Variants in NOS1AP observed in about 807,000 individuals in gnomAD.
NOS1AP encodes carboxyl-terminal PDZ ligand of neuronal nitric oxide synthase protein.
Under a neutral mutation model 56.2 loss-of-function variants are expected in NOS1AP, and 21 were observed. That is an observed-to-expected ratio of 0.37 (90% CI 0.26 to 0.54). The LOEUF (loss-of-function observed/expected upper bound fraction) is 0.54, where lower values mean the gene tolerates loss of function less well. Among genes scored for constraint, NOS1AP ranks in the 20% least tolerant of loss-of-function variants. The pLI, the probability that NOS1AP is intolerant of heterozygous loss-of-function variation, is 0.84. For synonymous variants in NOS1AP, 270 were observed against 274.6 expected (o/e 0.98, Z 0.17); for missense variants, 522 against 657.8 (o/e 0.79, Z 2.26).
chr1:162,275,500 A>G lies in NOS1AP; in HGVS notation c.178-11844A>G, dbSNP rs1027065683. ...CTTTGAATTATTTCTGGCATAAGGT[A>G]TGAGGTTTATTTTCATGTTCATTTT... On this transcript the variant is annotated intron_variant, in intron 2 of 9. Coordinates refer to ENST00000361897, the MANE Select transcript of NOS1AP (RefSeq NM_014697.3). Among the ~76,000 whole-genome samples the G allele has an allele frequency of 2.0e-5, 3 of 152,302 alleles. No homozygotes were observed. The South Asian group carries it at 6.2e-4, about 32-fold the overall frequency.
intron 2 of NOS1AP, among the ~76,000 whole-genome samples, chr1:162,255,389 G>A (rs1653992088): frequency 6.7e-6 from 1 of 150,282 alleles, no homozygotes; most frequent in Admixed American, 6.7e-5. Context: ...CCCAAACAGT[G>A]TTCTCCTCTC....
At chr1:162,287,478 A>G (rs553271220) in intron 3 of NOS1AP, 42 bp downstream of exon 3, 3 of 1,337,278 alleles carry the variant, frequency 2.2e-6, no homozygotes, top group African/African-American at 1.4e-5. Context: ...AGAGGAAAGC[A>G]GGGGAGGTAG....
chr1:162,272,243 C>T (rs1464961842), intron 2 of NOS1AP, among the ~76,000 whole-genome samples: 2 of 152,176 alleles, frequency 1.3e-5, no homozygotes, highest in Admixed American at 1.3e-4. Flanking sequence ...TTCCCACCTC[C>T]TTGAAGCTGG....
At chr1:162,356,887 A>C in intron 7 of NOS1AP, 73 bp from the exon 8 acceptor site, 1 of 1,610,804 alleles carries the variant, frequency 6.2e-7, no homozygotes, top group Non-Finnish European at 8.5e-7. Context: ...TCCTGAGTGC[A>C]TGCCAAAGAG....
rs367641772 is a variant in NOS1AP at position 162,249,483 on chromosome 1, T to C, written c.178-37861T>C. Among the ~76,000 whole-genome samples the C allele has an allele frequency of 2.2e-4, 33 of 152,282 alleles. No homozygotes were observed. In the East Asian group the frequency reaches 4.1e-3, roughly 19 times the overall value. ...ATGGTGTCTTTCAAATGCAGCAGTTTTGTTACTTCAATGAAAGCAGAATGG... is the reference window on the plus strand; with the variant it reads ...ATGGTGTCTTTCAAATGCAGCAGTTCTGTTACTTCAATGAAAGCAGAATGG... On this transcript the variant is annotated intron_variant, in intron 2 of 9. Coordinates refer to ENST00000361897, the MANE Select transcript of NOS1AP (RefSeq NM_014697.3).
At chr1:162,305,493 T>A (rs1026801407) in intron 4 of NOS1AP, among the ~76,000 whole-genome samples, 19 of 152,186 alleles carry the variant, frequency 1.2e-4, no homozygotes, top group Admixed American at 3.3e-4. Flanking sequence ...TTTTTTAATG[T>A]ATAATTGTTT....
chr1:162,367,779 C>T lies in NOS1AP; in HGVS notation c.*312C>T. Reference sequence around the variant, plus strand: ...GACTGCCAGGCTGCTGGAGGACCTGCCCCTACCTGCTGCATCGTCAGGCTC... The same window carrying T: ...GACTGCCAGGCTGCTGGAGGACCTGTCCCTACCTGCTGCATCGTCAGGCTC... On this transcript the variant is annotated 3_prime_UTR_variant, in exon 10 of 10. Coordinates refer to ENST00000361897, the MANE Select transcript of NOS1AP (RefSeq NM_014697.3). The surrounding 1 kb of genome is among the most constrained non-coding windows in gnomAD (Gnocchi z 6.5). 5.6e-6 allele frequency: 2 copies of T among 358,794 alleles called. No individual in the cohort carries two copies. Among genetic ancestry groups the T allele is most frequent in the South Asian group, 4.8e-5 (1 of 20,686 alleles). 22.2% of individuals were successfully genotyped at this position (358,794 alleles called of 1,614,324 possible).
chr1:162,160,085 G>A (rs934787866), intron 2 of NOS1AP, among the ~76,000 whole-genome samples: 7 of 152,150 alleles, frequency 4.6e-5, no homozygotes, highest in Non-Finnish European at 4.4e-5. Flanking sequence ...ACCAAACCTG[G>A]GAGGGATATG....
At chr1:162,134,632 T>G (rs1571047645) in intron 1 of NOS1AP, among the ~76,000 whole-genome samples, 1 of 152,104 alleles carries the variant, frequency 6.6e-6, no homozygotes, top group East Asian at 1.9e-4. Flanking sequence ...TTCATCTCCC[T>G]CTCCAACAGC....
At chr1:162,337,250 A>G (rs1269355484) in intron 5 of NOS1AP, among the ~76,000 whole-genome samples, 1 of 152,232 alleles carries the variant, frequency 6.6e-6, no homozygotes, top group East Asian at 1.9e-4. Flanking sequence ...GCTCCTTGAA[A>G]TAATTTTGCC....
chr1:162,135,675 T>C (rs778008172), intron 1 of NOS1AP, among the ~76,000 whole-genome samples: 3 of 152,142 alleles, frequency 2.0e-5, no homozygotes, highest in African/African-American at 4.8e-5. Context: ...TGAGGGTGAC[T>C]TGAACACTTC....
At chr1:162,264,416 T>C (rs550939303) in intron 2 of NOS1AP, among the ~76,000 whole-genome samples, 2 of 2,416 alleles carry the variant, frequency 8.3e-4, no homozygotes, top group Admixed American at 0.012. Context: ...TTCTCTTCCC[T>C]TCTCTTCCCT....
At chr1:162,223,560 T>C (rs1399959253) in intron 2 of NOS1AP, among the ~76,000 whole-genome samples, 1 of 152,092 alleles carries the variant, frequency 6.6e-6, no homozygotes, top group Non-Finnish European at 1.5e-5. Flanking sequence ...GAAAAAGCTT[T>C]AAGAAATCTG....
Position 162,228,701 on chromosome 1 carries a change from C to T in NOS1AP, c.178-58643C>T, listed in dbSNP as rs529286999. Among the ~76,000 whole-genome samples the T allele has an allele frequency of 2.6e-5, 4 of 152,338 alleles. No homozygotes were observed. In the East Asian group the frequency reaches 5.8e-4, roughly 22 times the overall value. Reference sequence around the variant, plus strand: ...AATGGATCAAGGTTCCTTTTCTCTACCCCGGCTGCCTGCCAAAAGCAAACA... The same window carrying T: ...AATGGATCAAGGTTCCTTTTCTCTATCCCGGCTGCCTGCCAAAAGCAAACA... On this transcript the variant is annotated intron_variant, in intron 2 of 9. Coordinates refer to ENST00000361897, the MANE Select transcript of NOS1AP (RefSeq NM_014697.3).
intron 4 of NOS1AP, among the ~76,000 whole-genome samples, chr1:162,325,415 G>T (rs1656552652): frequency 6.6e-6 from 1 of 152,184 alleles, no homozygotes; most frequent in Non-Finnish European, 1.5e-5. Flanking sequence ...GCTGGGGATA[G>T]GAGTAAGGGG....
chr1:162,349,786 G>A (rs759310875), intron 6 of NOS1AP, among the ~76,000 whole-genome samples: 6 of 152,128 alleles, frequency 3.9e-5, no homozygotes, highest in Non-Finnish European at 7.3e-5. Flanking sequence ...ATTTTATGAC[G>A]GGTCCAAGTG....
At chr1:162,200,338 C>T (rs531416618) in intron 2 of NOS1AP, among the ~76,000 whole-genome samples, 3 of 152,286 alleles carry the variant, frequency 2.0e-5, no homozygotes, top group South Asian at 2.1e-4. Flanking sequence ...TGGAAGATGA[C>T]GTAGAAGTAA....
chr1:162,326,525 A>C (rs915021732), intron 4 of NOS1AP, among the ~76,000 whole-genome samples: 1 of 152,220 alleles, frequency 6.6e-6, no homozygotes, highest in Non-Finnish European at 1.5e-5. Context: ...GGCACATATA[A>C]GAAATAGTTA....
At chr1:162,118,194 C>T (rs1206124955) in intron 1 of NOS1AP, among the ~76,000 whole-genome samples, 1 of 152,144 alleles carries the variant, frequency 6.6e-6, no homozygotes, top group Non-Finnish European at 1.5e-5. Flanking sequence ...CAATGAATTC[C>T]GTCACCCAAG....
Sources: gnomAD v4.1 joint callset for allele counts (sites outside exome capture counted in the v4.1 genomes callset) on GRCh38, gnomAD v4.1.1 for gene constraint, Gnocchi (gnomAD v3.1) non-coding constraint, MANE v1.5 for transcripts, NCBI Gene and HGNC (gene_info 2026-07-23, HGNC 2026-07-21) for gene names.